Variants in CPEB1 observed in about 807,000 individuals in gnomAD.
The protein encoded by CPEB1 is cytoplasmic polyadenylation element binding protein 1, also known as cytoplasmic polyadenylation element-binding protein 1.
Under a neutral mutation model 65.8 loss-of-function variants are expected in CPEB1, and 7 were observed. The ratio of observed to expected loss-of-function variants is 0.11; its 90% CI spans 0.06 to 0.20. The LOEUF (loss-of-function observed/expected upper bound fraction) is 0.20. CPEB1 is among the 10% of genes least tolerant of loss of function. The probability of loss-of-function intolerance (pLI) is 1.00; values close to 1 mark genes in which losing one functional copy is unlikely to be tolerated. For synonymous variants in CPEB1, 262 were observed against 260.0 expected, an observed-to-expected ratio of 1.01 and a Z score of -0.08; for missense variants, 551 against 712.2, an observed-to-expected ratio of 0.77 and a Z score of 2.58.
chr15:82,583,502 A>AGG (rs1298875272), intron 3 of CPEB1: 2 of 152,262 alleles, frequency 1.3e-5, no homozygotes, highest in Non-Finnish European at 2.9e-5. Context: ...ACAGGAAGGC[A>AGG]GGGTATTTCC....
chr15:82,554,116 G>C, intron 6 of CPEB1, 125 bp from the exon 7 acceptor site: 1 of 572,314 alleles, frequency 1.7e-6, no homozygotes, highest in South Asian at 2.6e-5. Flanking sequence ...ATGCCTGAGA[G>C]AATATCCATG....
chr15:82,604,435 T>C (rs1251836743), intron 3 of CPEB1, among the ~76,000 whole-genome samples: 2 of 150,822 alleles, frequency 1.3e-5, no homozygotes, highest in Admixed American at 6.6e-5. Context: ...TGAGCCGAGA[T>C]TGATCGCGCC....
Position 82,546,421 on chromosome 15 carries a change from T to A in CPEB1, c.1656+20A>T, listed in dbSNP as rs762689583. 2 of 1,603,382 alleles carry A rather than the reference T, an allele frequency of 1.2e-6. No homozygotes were observed. Among genetic ancestry groups the A allele is most frequent in the South Asian group, 2.2e-5 (2 of 90,836 alleles). On this transcript the variant is annotated intron_variant, in intron 12 of 12. Transcript: ENST00000684509. ...ACAATTTTTAATAGAGGGCAGGGAC[T>A]TCATAGACATCGGACCCACCTGATC...
At chr15:82,615,923 T>C (rs1364123463) in intron 3 of CPEB1, among the ~76,000 whole-genome samples, 8 of 151,976 alleles carry the variant, frequency 5.3e-5, no homozygotes. Flanking sequence ...TAGCAAAAAA[T>C]ATATATTTAC....
chr15:82,611,514 TG>T (rs1273964163), intron 3 of CPEB1, among the ~76,000 whole-genome samples: 1 of 151,926 alleles, frequency 6.6e-6, no homozygotes, highest in African/African-American at 2.4e-5. Flanking sequence ...CTCAACGCTT[TG>T]GGAGGCTGAG....
chr15:82,636,463 T>C (rs2046666366), intron 1 of CPEB1, among the ~76,000 whole-genome samples: 1 of 152,250 alleles, frequency 6.6e-6, no homozygotes, highest in South Asian at 2.1e-4. Context: ...TCATTTTTCA[T>C]AGGGTACATC....
At chr15:82,615,688 A>G (rs17158396) in intron 3 of CPEB1, among the ~76,000 whole-genome samples, 33,309 of 152,138 alleles carry the variant, frequency 0.22, 3,865 homozygotes, top group African/African-American at 0.26. Context: ...GGAATTTTGA[A>G]GTATGACAAC....
At chr15:82,642,268 T>C (rs2151387469) in intron 1 of CPEB1, among the ~76,000 whole-genome samples, 1 of 152,318 alleles carries the variant, frequency 6.6e-6, no homozygotes, top group Non-Finnish European at 1.5e-5. Flanking sequence ...CCAAAAAGCT[T>C]TAAGAGCCTG....
At chr15:82,625,426 C>A (rs1381087566) in intron 3 of CPEB1, among the ~76,000 whole-genome samples, 2 of 152,090 alleles carry the variant, frequency 1.3e-5, no homozygotes, top group African/African-American at 4.8e-5. Context: ...CATACTCCTG[C>A]ATTTTTGTGG....
chr15:82,623,872 T>C (rs1353719830), intron 3 of CPEB1, among the ~76,000 whole-genome samples: 2 of 152,182 alleles, frequency 1.3e-5, no homozygotes, highest in African/African-American at 2.4e-5. Context: ...TAGTCTTCTA[T>C]AAACATTATA....
chr15:82,579,379 T>C (rs1433798973), intron 3 of CPEB1, among the ~76,000 whole-genome samples: 1 of 152,058 alleles, frequency 6.6e-6, no homozygotes, highest in Non-Finnish European at 1.5e-5. Flanking sequence ...CGATGAACCA[T>C]GATTGCGCCA....
intron 1 of CPEB1, chr15:82,640,549 GT>G (rs1245563623): frequency 6.6e-6 from 1 of 152,108 alleles, no homozygotes; most frequent in African/African-American, 2.4e-5. Context: ...CACTATGCCT[GT>G]TTTGGCAATA....
intron 1 of CPEB1, chr15:82,629,413 G>A (rs2046049430): frequency 1.0e-6 from 1 of 984,446 alleles, no homozygotes; most frequent in African/African-American, 1.7e-5. Flanking sequence ...GGCATGAGAA[G>A]ATGGGTAAGA....
chr15:82,563,487 C>A (rs908143004), intron 4 of CPEB1, among the ~76,000 whole-genome samples: 1 of 147,756 alleles, frequency 6.8e-6, no homozygotes, highest in African/African-American at 2.5e-5. Context: ...TAGCGGCATG[C>A]CACCATGTCT....
At chr15:82,582,149 C>T (rs2041341373) in intron 3 of CPEB1, among the ~76,000 whole-genome samples, 1 of 152,210 alleles carries the variant, frequency 6.6e-6, no homozygotes, top group African/African-American at 2.4e-5. Flanking sequence ...TTGGAGGCCA[C>T]AGATTCAGTA....
At chr15:82,548,094 T>A (rs2035586557) in intron 10 of CPEB1, among the ~76,000 whole-genome samples, 1 of 152,134 alleles carries the variant, frequency 6.6e-6, no homozygotes, top group African/African-American at 2.4e-5. Flanking sequence ...CCCAGTGCTT[T>A]GGGAGGCCAA....
At chr15:82,578,130 A>T (rs879273558) in intron 3 of CPEB1, among the ~76,000 whole-genome samples, 3 of 151,692 alleles carry the variant, frequency 2.0e-5, no homozygotes, top group African/African-American at 4.9e-5. Flanking sequence ...ACAGAGCGAG[A>T]CTCCGTCTCA....
chr15:82,551,788 C>T (rs1217084251), intron 9 of CPEB1, among the ~76,000 whole-genome samples: 1 of 152,172 alleles, frequency 6.6e-6, no homozygotes, highest in Non-Finnish European at 1.5e-5. Flanking sequence ...ACTAGAACCA[C>T]CTGGGGATCT....
At chr15:82,593,918 T>G (rs561878288) in intron 3 of CPEB1, among the ~76,000 whole-genome samples, 16 of 152,312 alleles carry the variant, frequency 1.1e-4, no homozygotes, top group African/African-American at 3.8e-4. Context: ...GTCTCAACAG[T>G]GGGCTTTAAA....
Sources: allele counts gnomAD v4.1 joint callset (sites outside exome capture counted in the v4.1 genomes callset), GRCh38; gene constraint gnomAD v4.1.1; transcripts MANE v1.5; gene names NCBI Gene and HGNC (gene_info 2026-07-23, HGNC 2026-07-21).